Variants in CMC1 observed in about 807,000 individuals in gnomAD.
CMC1 encodes C-X9-C motif containing 1, also known as COX assembly mitochondrial protein homolog.
Under a neutral mutation model 14.1 loss-of-function variants are expected in CMC1, and 14 were observed. The observed-to-expected ratio is 0.99, with a 90% confidence interval of 0.66 to 1.55. CMC1 has a LOEUF of 1.55. Ranked by LOEUF, CMC1 falls within the 40% of genes most tolerant of loss-of-function variation. The pLI is 0.00. For missense variants in CMC1, 127 were observed against 123.8 expected (o/e 1.03, Z -0.12); for synonymous variants, 50 against 38.4 (o/e 1.30, Z -1.12).
At chr3:28,258,205 G>GTT (rs1183484884) in intron 1 of CMC1, among the ~76,000 whole-genome samples, 2 of 150,638 alleles carry the variant, frequency 1.3e-5, no homozygotes, top group East Asian at 1.9e-4. Flanking sequence ...CAAGTCCTTT[G>GTT]TTATATATAT....
At chr3:28,318,538 A>C (rs1703049520) in intron 3 of CMC1, 1 of 151,934 alleles carries the variant, frequency 6.6e-6, no homozygotes, top group African/African-American at 2.4e-5. Context: ...TCAATTACTT[A>C]CTATAGAAAG....
chr3:28,256,282 A>G (rs1699404184), intron 1 of CMC1, among the ~76,000 whole-genome samples: 1 of 152,000 alleles, frequency 6.6e-6, no homozygotes, highest in Non-Finnish European at 1.5e-5. Context: ...AGTTGGGCAA[A>G]TCTGAAATGC....
rs1577115108 is a variant in CMC1, at chr3:28,322,442, T to C, written c.*2813T>C. Reference sequence around the variant, plus strand: ...ATCAAGCAATTATCTCATAAGACTTTTTTTCTTTACAAAGGAAAATTTCCA... The same window carrying C: ...ATCAAGCAATTATCTCATAAGACTTCTTTTCTTTACAAAGGAAAATTTCCA... On this transcript the variant is annotated 3_prime_UTR_variant, in exon 4 of 4. Coordinates refer to ENST00000466830, the MANE Select transcript of CMC1 (RefSeq NM_182523.2). 6.6e-6 allele frequency: 1 copy of C among 151,676 alleles called. No homozygotes were observed. 9.4% of individuals were successfully genotyped at this position (151,676 alleles called of 1,614,324 possible). A position where few individuals can be genotyped will look rare whatever the true frequency, so the allele number is the denominator to read the frequency against.
chr3:28,243,716 C>T (rs1219624203), intron 1 of CMC1, among the ~76,000 whole-genome samples: 1 of 152,078 alleles, frequency 6.6e-6, no homozygotes, highest in African/African-American at 2.4e-5. Flanking sequence ...TGTTCTGGAC[C>T]CTAGGGAACA....
chr3:28,275,625 C>G (rs886723695), intron 2 of CMC1, among the ~76,000 whole-genome samples: 8 of 152,178 alleles, frequency 5.3e-5, no homozygotes, highest in Non-Finnish European at 1.0e-4. Context: ...TAACAAAGCA[C>G]TCTGGCTGCC....
intron 2 of CMC1, among the ~76,000 whole-genome samples, chr3:28,281,090 A>G (rs1310052762): frequency 1.3e-5 from 2 of 152,202 alleles, no homozygotes; most frequent in African/African-American, 4.8e-5. Flanking sequence ...TAATCAAATT[A>G]AATTCTAGAA....
chr3:28,312,323 A>G (rs891451277), intron 2 of CMC1, among the ~76,000 whole-genome samples: 1 of 152,326 alleles, frequency 6.6e-6, no homozygotes, highest in East Asian at 1.9e-4. Flanking sequence ...ATTAATGGAG[A>G]TATGAACAGA....
At chr3:28,289,306 T>G (rs1230174459) in intron 2 of CMC1, among the ~76,000 whole-genome samples, 1 of 151,994 alleles carries the variant, frequency 6.6e-6, no homozygotes, top group Non-Finnish European at 1.5e-5. Context: ...AGTTTCTTTT[T>G]AAAATTCGTT....
intron 2 of CMC1, among the ~76,000 whole-genome samples, chr3:28,290,875 G>A (rs557874605): frequency 6.6e-6 from 1 of 151,868 alleles, no homozygotes. Flanking sequence ...CAGGTATCTC[G>A]GTATGACAAC....
intron 2 of CMC1, among the ~76,000 whole-genome samples, chr3:28,309,941 CCACACACACA>C (rs57007112): frequency 0.011 from 1,413 of 132,516 alleles, 8 homozygotes; most frequent in Middle Eastern, 0.016. Context: ...CTGACGTCCA[CCACACACACA>C]CACACACACA....
At chr3:28,256,946 A>G (rs1252329513) in intron 1 of CMC1, among the ~76,000 whole-genome samples, 4 of 152,240 alleles carry the variant, frequency 2.6e-5, no homozygotes, top group Non-Finnish European at 5.9e-5. Flanking sequence ...AACATAAAAA[A>G]TCAATTGAAC....
intron 2 of CMC1, among the ~76,000 whole-genome samples, chr3:28,292,569 T>C (rs1701528377): frequency 6.6e-6 from 1 of 152,176 alleles, no homozygotes; most frequent in Non-Finnish European, 1.5e-5. Context: ...GTGATGATAG[T>C]CTCATTCCCT....
At chr3:28,291,963 AG>A (rs1701489745) in intron 2 of CMC1, 1 of 151,922 alleles carries the variant, frequency 6.6e-6, no homozygotes, top group Non-Finnish European at 1.5e-5. Context: ...AGGTGGGTAA[AG>A]GTTTTTTTAT....
At chr3:28,286,272 T>G (rs1701175787) in intron 2 of CMC1, among the ~76,000 whole-genome samples, 1 of 152,204 alleles carries the variant, frequency 6.6e-6, no homozygotes, top group South Asian at 2.1e-4. Context: ...TCTAATGAAA[T>G]AGCGTTAACT....
chr3:28,324,481 C>T lies in CMC1; in HGVS notation c.*4852C>T, dbSNP rs1407355375. ...TAAAAAGAAAACACAGACTAAATGT[C>T]AGTTTTCATTACATTTGTGATCATA... On this transcript the variant is annotated 3_prime_UTR_variant, in exon 4 of 4. Transcript: ENST00000466830. 3 of 1,429,390 alleles carry T rather than the reference C, an allele frequency of 2.1e-6. No homozygotes were observed. The highest frequency in any genetic ancestry group is 1.4e-5 in the African/African-American group (1 of 70,198). 88.5% of individuals were successfully genotyped at this position (1,429,390 alleles called of 1,614,324 possible).
In CMC1 at chr3:28,288,434, A is replaced by T. The variant is rs1701308560; in HGVS notation, c.109+25054A>T. Among the ~76,000 whole-genome samples the T allele has an allele frequency of 1.3e-5, 2 of 152,068 alleles. 1 individual carries two copies. The highest frequency in any genetic ancestry group is 4.8e-5 in the African/African-American group (2 of 41,444). ...CCTGTTAAGAATATCATTAAAGCTT[A>T]TTCATTTTTACATTGACTTATCCTT... is the stretch of plus-strand genomic sequence containing the variant. On this transcript the variant is annotated intron_variant, in intron 2 of 3. Transcript: ENST00000466830.
chr3:28,290,936 A>C (rs1255660181), intron 2 of CMC1, among the ~76,000 whole-genome samples: 2 of 152,014 alleles, frequency 1.3e-5, no homozygotes, highest in Non-Finnish European at 2.9e-5. Context: ...GTGTTGGCTA[A>C]GGAGGGTCTG....
chr3:28,242,510 A>G (rs1045714424), intron 1 of CMC1, among the ~76,000 whole-genome samples: 3 of 152,226 alleles, frequency 2.0e-5, no homozygotes, highest in Non-Finnish European at 4.4e-5. Context: ...CAAAACATTG[A>G]GAGGTAAATG....
intron 2 of CMC1, among the ~76,000 whole-genome samples, chr3:28,289,914 A>G (rs1701383640): frequency 6.6e-6 from 1 of 152,150 alleles, no homozygotes; most frequent in South Asian, 2.1e-4. Context: ...ATTATATTAT[A>G]TACACTACTT....
Sources: gnomAD v4.1 joint callset for allele counts (sites outside exome capture counted in the v4.1 genomes callset) on GRCh38, gnomAD v4.1.1 for gene constraint, MANE v1.5 for transcripts, NCBI Gene and HGNC (gene_info 2026-07-23, HGNC 2026-07-21) for gene names.